Variants in NBAS observed in about 807,000 individuals in gnomAD.
The protein encoded by NBAS is NAG/BC035112 fusion.
Under a neutral mutation model 302.5 loss-of-function variants are expected in NBAS, and 219 were observed. The observed-to-expected ratio is 0.72, with a 90% CI of 0.65 to 0.81. NBAS has a LOEUF of 0.81. NBAS is among the 30% of genes least tolerant of loss of function. The pLI, the probability that NBAS is intolerant of heterozygous loss-of-function variation, is 0.00. For synonymous variants in NBAS, 1,118 were observed against 1,021.6 expected, an observed-to-expected ratio of 1.09 and a Z score of -1.80; for missense variants, 2,932 against 2,841.6, an observed-to-expected ratio of 1.03 and a Z score of -0.72.
In NBAS at chr2:15,515,016, C is replaced by T. The variant is rs1452553338; in HGVS notation, c.747-3666G>A. On this transcript the variant is annotated intron_variant, in intron 9 of 51. Coordinates refer to ENST00000281513, the MANE Select transcript of NBAS (RefSeq NM_015909.4). ...TGTGTTGTTCCAATCAGACAGATAGCAGCTTTAGGACACTGATGCTCCAGC... is the reference window on the plus strand; with the variant it reads ...TGTGTTGTTCCAATCAGACAGATAGTAGCTTTAGGACACTGATGCTCCAGC... Among the ~76,000 whole-genome samples, 4 of 152,272 alleles carry T rather than the reference C, an allele frequency of 2.6e-5. No homozygotes were observed. In the East Asian group the frequency reaches 7.7e-4, roughly 29 times the overall value.
the NBAS span, among the ~76,000 whole-genome samples, chr2:14,884,426 G>A: frequency 6.6e-6 from 1 of 152,046 alleles, no homozygotes; most frequent in Non-Finnish European, 1.5e-5. Flanking sequence ...AACACTTCCT[G>A]GAACCTGGCC....
chr2:15,473,020 T>A (rs1050444123), intron 16 of NBAS, among the ~76,000 whole-genome samples: 1 of 152,162 alleles, frequency 6.6e-6, no homozygotes, highest in Non-Finnish European at 1.5e-5. Flanking sequence ...GAATATTTGT[T>A]CACATGTATT....
intron 44 of NBAS, among the ~76,000 whole-genome samples, chr2:15,256,502 G>A (rs1034981358): frequency 2.6e-5 from 4 of 152,112 alleles, no homozygotes; most frequent in Non-Finnish European, 1.5e-5. Context: ...AATAGTGGCT[G>A]TTTGACTTCT....
chr2:14,990,561 C>T, the NBAS span, among the ~76,000 whole-genome samples: 2 of 152,132 alleles, frequency 1.3e-5, no homozygotes, highest in Non-Finnish European at 2.9e-5. Flanking sequence ...TTTAACTTTC[C>T]AAAGTACCTC....
chr2:15,144,528 G>C, the NBAS span, among the ~76,000 whole-genome samples: 26 of 152,186 alleles, frequency 1.7e-4, no homozygotes, highest in South Asian at 2.1e-4. Flanking sequence ...GTCCTTTGGG[G>C]AAGACAGGAG....
At chr2:15,092,257 C>T in the NBAS span, among the ~76,000 whole-genome samples, 1 of 152,182 alleles carries the variant, frequency 6.6e-6, no homozygotes, top group African/African-American at 2.4e-5. Flanking sequence ...TAGGAACACC[C>T]AGTTTCCATT....
the NBAS span, among the ~76,000 whole-genome samples, chr2:14,810,251 G>A: frequency 2.4e-3 from 367 of 152,268 alleles, no homozygotes; most frequent in African/African-American, 8.1e-3. Flanking sequence ...CCAGGGGCAG[G>A]ATGATATGGT....
Position 15,447,559 on chromosome 2 carries a change from C to A in NBAS, c.2339+13642G>T, listed in dbSNP as rs554780535. On this transcript the variant is annotated intron_variant, in intron 21 of 51. Transcript: ENST00000281513. ...TGCTGGTAATATTCTGTTTCTTAAT[C>A]ATGTTCACTTGGTGAAAATTCATCA... Among the ~76,000 whole-genome samples, 4 of 152,304 alleles carry A rather than the reference C, an allele frequency of 2.6e-5. No individual in the cohort carries two copies. The South Asian group carries it at 8.3e-4, about 32-fold the overall frequency.
At chr2:15,560,497 T>A (rs763762224) in intron 1 of NBAS, among the ~76,000 whole-genome samples, 1 of 152,128 alleles carries the variant, frequency 6.6e-6, no homozygotes, top group Non-Finnish European at 1.5e-5. Flanking sequence ...GAAAAACGTT[T>A]ACGGGACTGT....
chr2:14,812,136 T>C, the NBAS span, among the ~76,000 whole-genome samples: 6 of 152,232 alleles, frequency 3.9e-5, no homozygotes, highest in Admixed American at 3.9e-4. Flanking sequence ...CACTAGTGCA[T>C]AGCTCTATAG....
At position 15,302,427 on chromosome 2, in the gene NBAS, G is replaced by GTAC. The variant is rs1161676226; in HGVS notation, c.4797+5786_4797+5788dup. ...TTCAGGCATCATCACTGGGCCCCAT[G>GTAC]TACTGTACTGGCTTCTGTTCCCACA... is the stretch of plus-strand genomic sequence containing the variant. On this transcript the variant is annotated intron_variant, in intron 40 of 51. Transcript: ENST00000281513. Among the ~76,000 whole-genome samples, 3 of 152,176 alleles carry GTAC rather than the reference G, an allele frequency of 2.0e-5. 1 individual carries two copies. Among genetic ancestry groups the GTAC allele is most frequent in the African/African-American group, 7.2e-5 (3 of 41,424 alleles).
At chr2:14,915,460 C>T in the NBAS span, among the ~76,000 whole-genome samples, 1 of 152,190 alleles carries the variant, frequency 6.6e-6, no homozygotes, top group Non-Finnish European at 1.5e-5. Context: ...TCCCATAATT[C>T]TCGCTTGTTG....
At chr2:15,447,724 C>G (rs1273729245) in intron 21 of NBAS, among the ~76,000 whole-genome samples, 1 of 152,082 alleles carries the variant, frequency 6.6e-6, no homozygotes, top group Non-Finnish European at 1.5e-5. Context: ...TACCTCACAC[C>G]AGGAAAGGGG....
the NBAS span, among the ~76,000 whole-genome samples, chr2:15,121,748 C>T: frequency 2.7e-5 from 4 of 150,242 alleles, no homozygotes; most frequent in East Asian, 1.9e-4. Flanking sequence ...TTTTTTTGCC[C>T]GTTACTACTT....
At chr2:14,976,966 A>T in the NBAS span, among the ~76,000 whole-genome samples, 1 of 152,344 alleles carries the variant, frequency 6.6e-6, no homozygotes, top group East Asian at 1.9e-4. Flanking sequence ...TTCAAGTCAT[A>T]AAGTTTGTGG....
chr2:15,405,428 T>C (rs1400690712), intron 25 of NBAS, among the ~76,000 whole-genome samples: 1 of 152,170 alleles, frequency 6.6e-6, no homozygotes, highest in Non-Finnish European at 1.5e-5. Context: ...CTTCATATAG[T>C]CTAAGACACA....
At chr2:14,789,214 G>T in the NBAS span, among the ~76,000 whole-genome samples, 1 of 152,168 alleles carries the variant, frequency 6.6e-6, no homozygotes, top group Non-Finnish European at 1.5e-5. Context: ...GGAGTGACCC[G>T]ATTTTCCAGG....
At chr2:14,900,555 G>A in the NBAS span, among the ~76,000 whole-genome samples, 9 of 152,190 alleles carry the variant, frequency 5.9e-5, no homozygotes, top group Admixed American at 2.0e-4. Context: ...CCAAATCTCC[G>A]CACCTATAAA....
chr2:15,313,492 G>A (rs1048270440), intron 38 of NBAS, among the ~76,000 whole-genome samples: 2 of 152,182 alleles, frequency 1.3e-5, no homozygotes, highest in East Asian at 1.9e-4. Flanking sequence ...TAAAATCGAT[G>A]TCTTTCTTGA....
Sources: allele counts gnomAD v4.1 joint callset (sites outside exome capture counted in the v4.1 genomes callset), GRCh38; gene constraint gnomAD v4.1.1; transcripts MANE v1.5; gene names NCBI Gene and HGNC (gene_info 2026-07-23, HGNC 2026-07-21).